ZDHHC16: variants seen among roughly 807,000 people sequenced by gnomAD.
ZDHHC16 encodes the protein palmitoyltransferase ZDHHC16.
A neutral mutation model predicts 54.4 loss-of-function variants in ZDHHC16; 33 were observed. The ratio of observed to expected loss-of-function variants is 0.61; its 90% CI spans 0.46 to 0.81. The LOEUF (loss-of-function observed/expected upper bound fraction) is 0.81. Ranked by LOEUF, ZDHHC16 falls within the 30% of genes least tolerant of loss-of-function variation. The pLI is 0.00. For synonymous variants in ZDHHC16, 185 were observed against 182.1 expected (o/e 1.02, Z -0.13); for missense variants, 420 against 485.9 (o/e 0.86, Z 1.28).
At chr10:97,450,568 C>A (rs1339047112) in intron 2 of ZDHHC16, 32 bp downstream of exon 2, 1 of 152,252 alleles carries the variant, frequency 6.6e-6, no homozygotes, top group African/African-American at 2.4e-5. Flanking sequence ...AGTCTTTAAT[C>A]TGCAGAACTG....
At chr10:97,455,813 AG>A in intron 10 of ZDHHC16, 30 bp downstream of exon 10, 1 of 1,609,682 alleles carries the variant, frequency 6.2e-7, no homozygotes, top group South Asian at 1.1e-5. Flanking sequence ...CGGGGTGGGT[AG>A]GTGGGTAACT....
rs1846010535 is a variant in ZDHHC16, at chr10:97,446,283, G to A, written c.-256G>A. On this transcript the variant is annotated 5_prime_UTR_variant, in exon 1 of 12. Transcript: ENST00000393760. Reference sequence around the variant, plus strand: ...GGCCCGGCCGGGGCGCCGAGTCGGAGGGGGTGGCAGTGAGCGGCGGCAGAG... The same window carrying A: ...GGCCCGGCCGGGGCGCCGAGTCGGAAGGGGTGGCAGTGAGCGGCGGCAGAG... 3.9e-6 allele frequency: 2 copies of A among 518,716 alleles called. No homozygotes were observed. Among genetic ancestry groups the A allele is most frequent in the Non-Finnish European group, 6.9e-6 (2 of 288,808 alleles). The allele number at this position is 518,716 out of a possible 1,614,324, so 32.1% of individuals were successfully genotyped here. A position where few individuals can be genotyped will look rare whatever the true frequency, so the allele number is the denominator to read the frequency against.
chr10:97,451,201 G>C (rs1461772653), intron 2 of ZDHHC16: 1 of 162,118 alleles, frequency 6.2e-6, no homozygotes, highest in Non-Finnish European at 1.3e-5. Context: ...AAGGTAGGTT[G>C]ATGCACTAGG....
chr10:97,454,909 C>T (rs1847020741), intron 9 of ZDHHC16, 110 bp downstream of exon 9: 2 of 916,368 alleles, frequency 2.2e-6, no homozygotes, highest in East Asian at 4.8e-5. Flanking sequence ...CTGCTCTAGT[C>T]TAACTTAGGT....
chr10:97,447,092 C>T (rs1168978076), intron 1 of ZDHHC16, among the ~76,000 whole-genome samples: 8 of 152,216 alleles, frequency 5.3e-5, no homozygotes, highest in Non-Finnish European at 8.8e-5. Flanking sequence ...AGTAAGCTTT[C>T]TCTGGTTGAA....
intron 1 of ZDHHC16, among the ~76,000 whole-genome samples, chr10:97,449,861 CTTTTTTTTT>C (rs35173837): frequency 1.2e-5 from 1 of 81,516 alleles, no homozygotes; most frequent in Non-Finnish European, 2.1e-5. Context: ...CCCCTTAATT[CTTTTTTTTT>C]TTTTTTTTTT....
In ZDHHC16 at chr10:97,453,637, T is replaced by C. The variant is rs758527891; in HGVS notation, c.664T>C (p.Phe222Leu). Residue 222 changes from phenylalanine to leucine, a missense_variant, in exon 7 of 12, where the codon TTC becomes CTC. Phe to Leu is a conservative substitution (Grantham distance 22, BLOSUM62 0). Transcript: ENST00000393760. ...VYCSYGSWDL[F>L]REAYAAIEKM... ...CTGCAGCTATGGAAGTTGGGACCTT[T>C]TCCGGGAGGCTTATGCTGCCATTGA... 2 of 1,614,204 alleles carry C rather than the reference T, an allele frequency of 1.2e-6. No homozygotes were observed. The highest frequency in any genetic ancestry group is 4.5e-5 in the East Asian group (2 of 44,884).
chr10:97,446,531 G>A (rs1006922869), intron 1 of ZDHHC16, among the ~76,000 whole-genome samples, 178 bp downstream of exon 1: 10 of 152,214 alleles, frequency 6.6e-5, no homozygotes, highest in Non-Finnish European at 1.0e-4. Flanking sequence ...AGAGCAGGAG[G>A]GAAGGAGGTC....
chr10:97,455,954 C>G lies in ZDHHC16; in HGVS notation c.949-20C>G, dbSNP rs759379320. The G allele has an allele frequency of 1.9e-6, 3 of 1,613,654 alleles. No individual in the cohort carries two copies. The South Asian group carries it at 3.3e-5, about 18-fold the overall frequency. On this transcript the variant is annotated intron_variant, in intron 10 of 11. Transcript: ENST00000393760. ...CTGAAAAATTAGAAGTTCAAAGAAA[C>G]ATGTTTTTCTTGGCTCCAGGTATTT...
intron 1 of ZDHHC16, among the ~76,000 whole-genome samples, chr10:97,449,684 A>G (rs1265153237): frequency 1.3e-5 from 2 of 151,796 alleles, no homozygotes; most frequent in African/African-American, 4.8e-5. Context: ...ACGCGCCACC[A>G]TGCCCAGCTA....
chr10:97,452,467 A>G lies in ZDHHC16; in HGVS notation c.491A>G (p.Lys164Arg), dbSNP rs147039315. The G allele has an allele frequency of 5.6e-6, 9 of 1,614,068 alleles. No individual in the cohort carries two copies. The highest frequency in any genetic ancestry group is 5.3e-5 in the African/African-American group (4 of 74,926). ...ATCTGTAAGAAGTGCATTTACCCCAAGCCAGCCCGAACACACCACTGCAGC... is the reference window on the plus strand; with the variant it reads ...ATCTGTAAGAAGTGCATTTACCCCAGGCCAGCCCGAACACACCACTGCAGC... Reference protein sequence around the residue: ...VSICKKCIYPKPARTHHCSIC... With the variant: ...VSICKKCIYPRPARTHHCSIC... The change falls in exon 5 of 12, where the codon AAG becomes AGG. Residue 164 changes from lysine (K) to arginine (R), a missense_variant. Physicochemically the swap from Lys to Arg is conservative, Grantham distance 26 (BLOSUM62 2). Coordinates refer to ENST00000393760, the MANE Select transcript of ZDHHC16 (RefSeq NM_198046.3).
intron 3 of ZDHHC16, 79 bp from the exon 4 acceptor site, chr10:97,452,011 C>G (rs1846678499): frequency 8.8e-6 from 14 of 1,599,600 alleles, no homozygotes; most frequent in Non-Finnish European, 1.2e-5. Context: ...GAGGCCGGCC[C>G]CCACCCCCAG....
rs11425114 is a variant in ZDHHC16, at chr10:97,449,224, G to GTT, written c.-185-1120_-185-1119dup. On this transcript the variant is annotated intron_variant, in intron 1 of 11. Transcript: ENST00000393760. Reference sequence around the variant, plus strand: ...ATGATCTGAAAAGTGGAGAATAGAAGTTTTTTTTTTTTTTAAGACTAGAAG... The same window carrying GTT: ...ATGATCTGAAAAGTGGAGAATAGAAGTTTTTTTTTTTTTTTTAAGACTAGAAG... Among the ~76,000 whole-genome samples, 643 of 147,812 alleles carry GTT rather than the reference G, an allele frequency of 4.4e-3. 2 individuals are homozygous for GTT. Among genetic ancestry groups the GTT allele is most frequent in the African/African-American group, 0.01 (418 of 40,214 alleles).
intron 1 of ZDHHC16, among the ~76,000 whole-genome samples, chr10:97,449,895 C>T (rs1296086056): frequency 1.3e-4 from 13 of 102,296 alleles, no homozygotes; most frequent in Admixed American, 4.5e-4. Flanking sequence ...GACGGAGTCT[C>T]GCTCTGTCGC....
intron 3 of ZDHHC16, 36 bp from the exon 4 acceptor site, chr10:97,452,054 T>C: frequency 6.2e-7 from 1 of 1,613,332 alleles, no homozygotes; most frequent in Non-Finnish European, 8.5e-7. Flanking sequence ...GCATAGCTCT[T>C]GCGCCATGTC....
chr10:97,454,044 G>T (rs1846924185), intron 8 of ZDHHC16, among the ~76,000 whole-genome samples, 198 bp downstream of exon 8: 1 of 152,230 alleles, frequency 6.6e-6, no homozygotes, highest in Non-Finnish European at 1.5e-5. Flanking sequence ...TCCCTGGTAT[G>T]TGACAGTTTT....
At chr10:97,451,461 C>T (rs10882938) in intron 2 of ZDHHC16, among the ~76,000 whole-genome samples, 5 of 152,120 alleles carry the variant, frequency 3.3e-5, no homozygotes, top group African/African-American at 9.7e-5. Flanking sequence ...TCAGAACCAT[C>T]AGTTTTACTC....
chr10:97,454,837 C>A (rs1390951919), intron 9 of ZDHHC16, 38 bp downstream of exon 9: 1 of 1,604,880 alleles, frequency 6.2e-7, no homozygotes, highest in Non-Finnish European at 8.5e-7. Flanking sequence ...GGGGAAGCTT[C>A]AGAAAAAAAG....
intron 1 of ZDHHC16, among the ~76,000 whole-genome samples, chr10:97,446,974 G>T (rs1371054728): frequency 6.6e-6 from 1 of 152,220 alleles, no homozygotes; most frequent in Non-Finnish European, 1.5e-5. Context: ...CTTCCAAAGT[G>T]CAGGGAGTAC....
Sources: gnomAD v4.1 joint callset for allele counts (sites outside exome capture counted in the v4.1 genomes callset) on GRCh38, gnomAD v4.1.1 for gene constraint, MANE v1.5 for transcripts, NCBI Gene and HGNC (gene_info 2026-07-23, HGNC 2026-07-21) for gene names.